NEDD9: variants seen among roughly 807,000 people sequenced by gnomAD.
NEDD9 encodes neural precursor cell expressed, developmentally down-regulated 9.
Under a neutral mutation model 76.6 loss-of-function variants are expected in NEDD9, and 26 were observed. The ratio of observed to expected loss-of-function variants is 0.34; its 90% CI spans 0.25 to 0.47. NEDD9 has a LOEUF of 0.47. NEDD9 is among the 20% of genes least tolerant of loss of function. The probability of loss-of-function intolerance (pLI) is 1.00; values close to 1 mark genes in which losing one functional copy is unlikely to be tolerated. For synonymous variants in NEDD9, 392 were observed against 414.2 expected, an observed-to-expected ratio of 0.95 and a Z score of 0.65; for missense variants, 937 against 1,058.5, an observed-to-expected ratio of 0.89 and a Z score of 1.59.
At chr6:11,303,733 G>A (rs1377893232) in intron 3 of NEDD9, among the ~76,000 whole-genome samples, 1 of 152,158 alleles carries the variant, frequency 6.6e-6, no homozygotes, top group Admixed American at 6.5e-5. Context: ...CTAATAAATG[G>A]TGCTGGGAAA....
intron 1 of NEDD9, among the ~76,000 whole-genome samples, chr6:11,347,040 C>A (rs1762376740): frequency 6.6e-6 from 1 of 152,288 alleles, no homozygotes; most frequent in African/African-American, 2.4e-5. Flanking sequence ...AGCCTGCTCT[C>A]CTCAGCCCTC....
At chr6:11,379,251 T>G (rs964082138) in intron 1 of NEDD9, among the ~76,000 whole-genome samples, 2 of 150,960 alleles carry the variant, frequency 1.3e-5, no homozygotes, top group Non-Finnish European at 2.9e-5. Context: ...TGCCATATTC[T>G]GTGTGCTGTC....
intron 2 of NEDD9, among the ~76,000 whole-genome samples, chr6:11,309,736 C>G (rs564246053): frequency 5.3e-5 from 8 of 152,202 alleles, no homozygotes; most frequent in African/African-American, 1.7e-4. Context: ...ATGGGTTTTT[C>G]TTCTCCTTTA....
chr6:11,288,822 C>T (rs1035238446), intron 3 of NEDD9, among the ~76,000 whole-genome samples: 2 of 152,222 alleles, frequency 1.3e-5, no homozygotes, highest in Non-Finnish European at 2.9e-5. Flanking sequence ...CATTACTATA[C>T]CCCAGATCAG....
chr6:11,330,830 A>G (rs1418221905), intron 2 of NEDD9, among the ~76,000 whole-genome samples: 1 of 152,150 alleles, frequency 6.6e-6, no homozygotes, highest in Non-Finnish European at 1.5e-5. Flanking sequence ...TGAAAGCCTC[A>G]TTGTTCTGAC....
intron 2 of NEDD9, chr6:11,200,557 G>A: frequency 9.2e-7 from 1 of 1,089,424 alleles, no homozygotes; most frequent in Non-Finnish European, 1.1e-6. Flanking sequence ...AGTAATCACA[G>A]ATCTCAAGGC....
chr6:11,236,295 C>T (rs894322106), upstream of NEDD9, among the ~76,000 whole-genome samples: 35 of 152,292 alleles, frequency 2.3e-4, no homozygotes, highest in Admixed American at 1.3e-3. This position sits in a 1 kb window ranked among gnomAD's most constrained non-coding sequence, Gnocchi z 5.5. Context: ...TCATCCTTGC[C>T]GCCTGCCTGC....
intron 2 of NEDD9, among the ~76,000 whole-genome samples, chr6:11,201,944 G>T (rs901126657): frequency 2.0e-5 from 3 of 152,164 alleles, no homozygotes; most frequent in African/African-American, 7.2e-5. Flanking sequence ...GTTTACCCAT[G>T]AATTTAGTAG....
chr6:11,222,121 A>T (rs544186944), intron 1 of NEDD9, among the ~76,000 whole-genome samples: 5 of 152,256 alleles, frequency 3.3e-5, no homozygotes, highest in Admixed American at 6.5e-5. Context: ...GAAGAAAAAG[A>T]GGTTCCTATT....
intron 3 of NEDD9, among the ~76,000 whole-genome samples, chr6:11,297,967 G>A (rs1460640403): frequency 6.7e-6 from 1 of 150,168 alleles, no homozygotes; most frequent in Non-Finnish European, 1.5e-5. Context: ...GAGTGCAGTG[G>A]TGCAATCACA....
At chr6:11,334,350 T>C (rs749117134) in intron 2 of NEDD9, among the ~76,000 whole-genome samples, 13 of 152,268 alleles carry the variant, frequency 8.5e-5, no homozygotes, top group Non-Finnish European at 1.8e-4. Context: ...GTATGTATTA[T>C]CTTTTGTCAT....
At chr6:11,346,633 G>C (rs1762371477) in intron 1 of NEDD9, among the ~76,000 whole-genome samples, 1 of 152,168 alleles carries the variant, frequency 6.6e-6, no homozygotes, top group Non-Finnish European at 1.5e-5. Context: ...ACTCTCATCG[G>C]GGAAGGAGGG....
intron 2 of NEDD9, among the ~76,000 whole-genome samples, chr6:11,309,849 TA>T (rs1391854755): frequency 1.3e-5 from 2 of 152,196 alleles, no homozygotes; most frequent in African/African-American, 4.8e-5. Context: ...ATAATATTTA[TA>T]ATAATATCCA....
intron 2 of NEDD9, among the ~76,000 whole-genome samples, chr6:11,331,706 A>G (rs183126367): frequency 4.6e-5 from 7 of 152,218 alleles, no homozygotes; most frequent in African/African-American, 1.2e-4. Flanking sequence ...CTGCCTGATC[A>G]TGAATCTTTG....
chr6:11,299,281 G>C (rs146183247), intron 3 of NEDD9, among the ~76,000 whole-genome samples: 18 of 152,348 alleles, frequency 1.2e-4, no homozygotes, highest in East Asian at 1.9e-4. Context: ...CAGCTTGAGG[G>C]GGGGAGGGGC....
At chr6:11,372,898 T>C (rs1261869440) in intron 1 of NEDD9, among the ~76,000 whole-genome samples, 2 of 152,236 alleles carry the variant, frequency 1.3e-5, no homozygotes, top group African/African-American at 2.4e-5. Flanking sequence ...CTGGCATAGA[T>C]ACTCCAATTC....
intron 1 of NEDD9, among the ~76,000 whole-genome samples, chr6:11,228,563 T>C (rs1759376737): frequency 2.3e-5 from 1 of 43,536 alleles, no homozygotes; most frequent in Non-Finnish European, 4.1e-5. Flanking sequence ...GAGAGGAAGG[T>C]GTTTTTTTCA....
chr6:11,357,745 C>T (rs7775768), intron 1 of NEDD9, among the ~76,000 whole-genome samples: 56,752 of 152,118 alleles, frequency 0.37, 11,143 homozygotes, highest in Non-Finnish European at 0.41. Flanking sequence ...AAGATGTGTG[C>T]ACAAACAGGC....
At chr6:11,220,746 T>G (rs1432440777) in intron 1 of NEDD9, among the ~76,000 whole-genome samples, 1 of 152,234 alleles carries the variant, frequency 6.6e-6, no homozygotes, top group East Asian at 1.9e-4. Context: ...TGACCAGATT[T>G]GGTAACATGA....
Sources: gnomAD v4.1 joint callset for allele counts (sites outside exome capture counted in the v4.1 genomes callset) on GRCh38, gnomAD v4.1.1 for gene constraint, Gnocchi (gnomAD v3.1) non-coding constraint, MANE v1.5 for transcripts, NCBI Gene and HGNC (gene_info 2026-07-23, HGNC 2026-07-21) for gene names.